CREB5: variants seen among roughly 807,000 people sequenced by gnomAD.
CREB5 encodes cyclic AMP-responsive element-binding protein 5.
Under a neutral mutation model 57.1 loss-of-function variants are expected in CREB5, and 19 were observed. That is an observed-to-expected ratio of 0.33 (90% CI 0.23 to 0.49). The LOEUF (loss-of-function observed/expected upper bound fraction) is 0.49. Among genes scored for constraint, CREB5 ranks in the 20% least tolerant of loss-of-function variants. CREB5 has a pLI of 0.99. For synonymous variants in CREB5, 238 were observed against 238.3 expected (o/e 1.00, Z 0.01); for missense variants, 579 against 671.6 (o/e 0.86, Z 1.52).
chr7:28,739,972 T>C (rs924187105), intron 7 of CREB5, among the ~76,000 whole-genome samples: 11 of 152,192 alleles, frequency 7.2e-5, no homozygotes, highest in African/African-American at 2.2e-4. Flanking sequence ...CGTGCCAACT[T>C]ACACGGAATA....
chr7:28,764,430 C>T (rs1202369201), intron 7 of CREB5, among the ~76,000 whole-genome samples: 3 of 150,908 alleles, frequency 2.0e-5, no homozygotes, highest in Non-Finnish European at 4.4e-5. Flanking sequence ...GGATGGCAAA[C>T]ACAACACTTT....
At position 28,548,861 on chromosome 7, in the gene CREB5, A is replaced by G. The variant is rs555775222; in HGVS notation, c.292-21504A>G. 3.9e-5 allele frequency among the ~76,000 whole-genome samples: 6 copies of G among 152,342 alleles called. No homozygotes were observed. In the East Asian group the frequency reaches 1.2e-3, roughly 29 times the overall value. On this transcript the variant is annotated intron_variant, in intron 4 of 10. Coordinates refer to ENST00000357727, the MANE Select transcript of CREB5 (RefSeq NM_182898.4). The stretch of plus-strand genomic sequence containing the variant: ...AGTTCCAGACATCCTCAGTATTTCA[A>G]TAACTTTTCTTCTGGCATGCCTAGG...
chr7:28,802,363 T>C (rs1406861591), intron 7 of CREB5, among the ~76,000 whole-genome samples: 1 of 152,214 alleles, frequency 6.6e-6, no homozygotes, highest in African/African-American at 2.4e-5. Flanking sequence ...TTATGTTTAA[T>C]TAAGGATTTT....
At chr7:28,706,964 C>G (rs570179986) in intron 5 of CREB5, among the ~76,000 whole-genome samples, 1 of 152,076 alleles carries the variant, frequency 6.6e-6, no homozygotes, top group Non-Finnish European at 1.5e-5. Flanking sequence ...GTTAAGAAAC[C>G]TCTGTGGGGC....
At chr7:28,399,837 T>A (rs1452038026) in intron 1 of CREB5, among the ~76,000 whole-genome samples, 1 of 151,598 alleles carries the variant, frequency 6.6e-6, no homozygotes, top group Non-Finnish European at 1.5e-5. Context: ...GGTTGATCAA[T>A]TGAGGTCAGG....
At chr7:28,733,773 C>A (rs1218188875) in intron 7 of CREB5, among the ~76,000 whole-genome samples, 1 of 152,130 alleles carries the variant, frequency 6.6e-6, no homozygotes, top group Non-Finnish European at 1.5e-5. Context: ...CCTGTACTTG[C>A]TAGGTGCCCA....
At chr7:28,629,555 G>A (rs1372110969) in intron 5 of CREB5, among the ~76,000 whole-genome samples, 1 of 152,194 alleles carries the variant, frequency 6.6e-6, no homozygotes, top group Non-Finnish European at 1.5e-5. Flanking sequence ...GTCAGGGGTT[G>A]AACAGTTGTG....
intron 5 of CREB5, among the ~76,000 whole-genome samples, chr7:28,704,046 A>G (rs926072614): frequency 4.6e-5 from 7 of 152,170 alleles, no homozygotes; most frequent in Non-Finnish European, 8.8e-5. Flanking sequence ...GAGGATTTTC[A>G]TCATTCTCAA....
At chr7:28,305,384 A>G (rs1188225983) in intron 1 of CREB5, among the ~76,000 whole-genome samples, 3 of 152,154 alleles carry the variant, frequency 2.0e-5, no homozygotes, top group African/African-American at 7.2e-5. Context: ...CCACTACTGG[A>G]CATGCCTGGA....
intron 2 of CREB5, among the ~76,000 whole-genome samples, chr7:28,492,015 T>C (rs897910859): frequency 1.3e-5 from 2 of 152,198 alleles, no homozygotes; most frequent in African/African-American, 4.8e-5. Flanking sequence ...TTGTTTTGTT[T>C]TGAGATGGTG....
chr7:28,303,755 C>T (rs1006572491), intron 1 of CREB5, among the ~76,000 whole-genome samples: 22 of 152,028 alleles, frequency 1.4e-4, no homozygotes, highest in Admixed American at 6.5e-5. Flanking sequence ...CATGTACATA[C>T]ATATTTAACT....
intron 9 of CREB5, among the ~76,000 whole-genome samples, chr7:28,811,327 A>C (rs557191426): frequency 6.6e-6 from 1 of 152,318 alleles, no homozygotes; most frequent in South Asian, 2.1e-4. Context: ...ACCACCTTTA[A>C]AGCCACTTGT....
chr7:28,725,854 T>C (rs564315623), intron 7 of CREB5, among the ~76,000 whole-genome samples: 21 of 152,276 alleles, frequency 1.4e-4, no homozygotes, highest in African/African-American at 5.1e-4. Flanking sequence ...ACCTTCCAGA[T>C]AGATATTAGG....
At chr7:28,449,797 T>G (rs1443147667) in intron 1 of CREB5, among the ~76,000 whole-genome samples, 1 of 152,248 alleles carries the variant, frequency 6.6e-6, no homozygotes, top group Non-Finnish European at 1.5e-5. Flanking sequence ...TTTAAAAAAC[T>G]TCATTGGTTG....
At chr7:28,602,129 A>G (rs1796941270) in intron 5 of CREB5, among the ~76,000 whole-genome samples, 1 of 151,968 alleles carries the variant, frequency 6.6e-6, no homozygotes, top group Non-Finnish European at 1.5e-5. Flanking sequence ...TATTTTATTT[A>G]TTTATTTATT....
chr7:28,447,632 G>T (rs1789550778), intron 1 of CREB5, among the ~76,000 whole-genome samples: 1 of 152,036 alleles, frequency 6.6e-6, no homozygotes, highest in South Asian at 2.1e-4. Context: ...GGAGAGTGAT[G>T]GTGTGTGTGT....
intron 5 of CREB5, among the ~76,000 whole-genome samples, chr7:28,699,669 A>G (rs929623698): frequency 1.3e-5 from 2 of 152,216 alleles, no homozygotes; most frequent in African/African-American, 4.8e-5. Context: ...TGGAGTGAAA[A>G]AAAGTTATAT....
At chr7:28,726,837 C>G (rs1188151070) in intron 7 of CREB5, 1 of 152,134 alleles carries the variant, frequency 6.6e-6, no homozygotes, top group African/African-American at 2.4e-5. Flanking sequence ...TCAGAGTGTC[C>G]ATTTCAAGCT....
intron 4 of CREB5, among the ~76,000 whole-genome samples, chr7:28,511,351 T>G (rs1282095961): frequency 6.6e-6 from 1 of 151,862 alleles, no homozygotes; most frequent in Non-Finnish European, 1.5e-5. Flanking sequence ...GGGTGCTCTG[T>G]GTGTTGGAGG....
Sources: gnomAD v4.1 joint callset for allele counts (sites outside exome capture counted in the v4.1 genomes callset) on GRCh38, gnomAD v4.1.1 for gene constraint, MANE v1.5 for transcripts, NCBI Gene and HGNC (gene_info 2026-07-23, HGNC 2026-07-21) for gene names.